PLCL1: variants seen among roughly 807,000 people sequenced by gnomAD.
PLCL1 encodes inactive phospholipase C-like protein 1.
In PLCL1, 41 loss-of-function variants were observed where a neutral mutation model predicts 84.4. The observed-to-expected ratio is 0.49, with a 90% CI of 0.38 to 0.63. The LOEUF is 0.63. Ranked by LOEUF, PLCL1 falls within the 30% of genes least tolerant of loss-of-function variation. PLCL1 has a pLI of 0.00. For missense variants in PLCL1, 1,206 were observed against 1,367.8 expected (o/e 0.88, Z 1.87); for synonymous variants, 490 against 488.3 (o/e 1.00, Z -0.05).
chr2:198,094,590 CT>C (rs1693144508), intron 3 of PLCL1, among the ~76,000 whole-genome samples: 1 of 152,130 alleles, frequency 6.6e-6, no homozygotes, highest in African/African-American at 2.4e-5. Flanking sequence ...AACCAGTTCC[CT>C]AGGGTTAAGA....
chr2:198,133,572 A>T (rs999566518), intron 5 of PLCL1, among the ~76,000 whole-genome samples: 3 of 152,040 alleles, frequency 2.0e-5, no homozygotes, highest in South Asian at 2.1e-4. Flanking sequence ...AAAAAAAAAA[A>T]AATAAGAATG....
chr2:197,879,807 C>G (rs1053069653), intron 1 of PLCL1, among the ~76,000 whole-genome samples: 1 of 152,102 alleles, frequency 6.6e-6, no homozygotes, highest in Non-Finnish European at 1.5e-5. Flanking sequence ...CTTTATCTTT[C>G]TGCCTAAGGT....
intron 1 of PLCL1, among the ~76,000 whole-genome samples, chr2:197,851,739 T>A (rs1428541486): frequency 1.3e-5 from 2 of 152,210 alleles, no homozygotes; most frequent in African/African-American, 4.8e-5. Context: ...ATAGGCATGT[T>A]AGAGGAGACC....
chr2:198,035,652 A>G (rs1691538126), intron 1 of PLCL1, among the ~76,000 whole-genome samples: 1 of 152,270 alleles, frequency 6.6e-6, no homozygotes, highest in African/African-American at 2.4e-5. Flanking sequence ...ATAAGAATCC[A>G]TGAGTCCATA....
At chr2:197,835,232 A>C (rs763812848) in intron 1 of PLCL1, among the ~76,000 whole-genome samples, 10 of 152,202 alleles carry the variant, frequency 6.6e-5, no homozygotes, top group Admixed American at 3.3e-4. Context: ...CCACCATGGC[A>C]TGTGTGTAAC....
intron 1 of PLCL1, among the ~76,000 whole-genome samples, chr2:197,841,682 T>C (rs748814796): frequency 5.9e-5 from 9 of 152,228 alleles, no homozygotes; most frequent in Non-Finnish European, 1.3e-4. Context: ...AACATTTGTG[T>C]GTAGGCTTCT....
At chr2:197,845,666 G>A (rs1447998403) in intron 1 of PLCL1, among the ~76,000 whole-genome samples, 2 of 152,054 alleles carry the variant, frequency 1.3e-5, no homozygotes. Flanking sequence ...CTAAAACTCT[G>A]ATTACCTTTC....
intron 1 of PLCL1, among the ~76,000 whole-genome samples, chr2:197,880,007 A>G (rs1687802052): frequency 6.6e-6 from 1 of 152,346 alleles, no homozygotes; most frequent in Admixed American, 6.5e-5. Flanking sequence ...TTGTTTTCAC[A>G]TACTGCTAGC....
At chr2:198,029,531 C>T (rs1384342642) in intron 1 of PLCL1, among the ~76,000 whole-genome samples, 1 of 152,072 alleles carries the variant, frequency 6.6e-6, no homozygotes. Context: ...GCAGGAAAAG[C>T]AGGGTTTTAG....
rs1323348124 is a variant in PLCL1 at position 198,089,037 on chromosome 2, A to G, written c.2895A>G (p.Lys965=). 1 of 1,613,920 alleles carries G rather than the reference A, an allele frequency of 6.2e-7. No individual in the cohort carries two copies. Among genetic ancestry groups the G allele is most frequent in the Non-Finnish European group, 8.5e-7 (1 of 1,179,798 alleles). The change falls in exon 3 of 6, where the codon AAA becomes AAG. Residue 965 remains lysine (K), a synonymous_variant. Transcript: ENST00000428675. ...TGGGTGCAATTCCAGATGTGCAGAA[A>G]AAGATGCTGACTGCTTATGATCTGG... is the stretch of plus-strand genomic sequence containing the variant. ...EPLGAIPDVQ[K]KMLTAYDLMI... is the part of the protein sequence containing the mutation.
At chr2:197,912,841 A>C (rs1165631679) in intron 1 of PLCL1, among the ~76,000 whole-genome samples, 8 of 137,858 alleles carry the variant, frequency 5.8e-5, no homozygotes, top group Non-Finnish European at 9.4e-5. Flanking sequence ...TGGGAGATAT[A>C]CCTAATGCTA....
chr2:198,097,678 T>G (rs1693234230), intron 3 of PLCL1, among the ~76,000 whole-genome samples: 1 of 152,170 alleles, frequency 6.6e-6, no homozygotes, highest in Non-Finnish European at 1.5e-5. Flanking sequence ...TGAAGTAGAT[T>G]TTGTCACCAT....
intron 1 of PLCL1, among the ~76,000 whole-genome samples, chr2:197,981,321 C>A (rs1690099702): frequency 6.6e-6 from 1 of 152,074 alleles, no homozygotes; most frequent in Non-Finnish European, 1.5e-5. Context: ...GATATGAAAA[C>A]ACATGTAGAA....
intron 3 of PLCL1, among the ~76,000 whole-genome samples, chr2:198,100,265 C>G (rs897934020): frequency 6.6e-6 from 1 of 151,582 alleles, no homozygotes; most frequent in Non-Finnish European, 1.5e-5. Context: ...GGAGAAGTAA[C>G]AAGATGGAAA....
At chr2:197,853,379 T>A (rs1687274438) in intron 1 of PLCL1, among the ~76,000 whole-genome samples, 1 of 152,206 alleles carries the variant, frequency 6.6e-6, no homozygotes, top group South Asian at 2.1e-4. Context: ...TTGGGTATAT[T>A]CCCCGGAAGT....
intron 3 of PLCL1, among the ~76,000 whole-genome samples, chr2:198,092,273 A>G (rs941509676): frequency 1.3e-5 from 2 of 150,712 alleles, no homozygotes; most frequent in Admixed American, 6.6e-5. Flanking sequence ...GCCTTCCCCA[A>G]CCTCACCTGC....
rs3056105 is a variant in PLCL1 at position 197,903,468 on chromosome 2, A to ATTTTTTTTTTTTTTTTTTTTTTT, written c.240+98140_240+98162dup. Among the ~76,000 whole-genome samples, 8 of 47,796 alleles carry ATTTTTTTTTTTTTTTTTTTTTTT rather than the reference A, an allele frequency of 1.7e-4. 3 individuals are homozygous for ATTTTTTTTTTTTTTTTTTTTTTT. Among genetic ancestry groups the ATTTTTTTTTTTTTTTTTTTTTTT allele is most frequent in the African/African-American group, 2.7e-4 (3 of 11,128 alleles). 31.4% of individuals were successfully genotyped at this position (47,796 alleles called of 152,430 possible). A position where few individuals can be genotyped will look rare whatever the true frequency, so the allele number is the denominator to read the frequency against. ...GTATCTTCCTTTTTACTCCATTTAAATTTTTTTTTTTTTTTTTTTTTTTTT... is the reference window on the plus strand; with the variant it reads ...GTATCTTCCTTTTTACTCCATTTAAATTTTTTTTTTTTTTTTTTTTTTTTTTTTTTTTTTTTTTTTTTTTTTTT... On this transcript the variant is annotated intron_variant, in intron 1 of 5. Coordinates refer to ENST00000428675, the MANE Select transcript of PLCL1 (RefSeq NM_006226.4).
At chr2:197,880,698 GTT>G (rs893145117) in intron 1 of PLCL1, among the ~76,000 whole-genome samples, 1 of 152,120 alleles carries the variant, frequency 6.6e-6, no homozygotes, top group Non-Finnish European at 1.5e-5. Flanking sequence ...AATATTTATA[GTT>G]TTTTGTTTTT....
At chr2:198,101,221 G>C in intron 3 of PLCL1, 64 bp from the exon 4 acceptor site, 1 of 937,858 alleles carries the variant, frequency 1.1e-6, no homozygotes, top group Non-Finnish European at 1.7e-6. Flanking sequence ...TCTGTATGTC[G>C]TCTTCCCAAT....
Sources: allele counts gnomAD v4.1 joint callset (sites outside exome capture counted in the v4.1 genomes callset), GRCh38; gene constraint gnomAD v4.1.1; transcripts MANE v1.5; gene names NCBI Gene and HGNC (gene_info 2026-07-23, HGNC 2026-07-21).